CLYBL: variants seen among roughly 807,000 people sequenced by gnomAD.
CLYBL encodes the protein citramalyl-CoA lyase.
Under a neutral mutation model 38.9 loss-of-function variants are expected in CLYBL, and 31 were observed. The ratio of observed to expected loss-of-function variants is 0.80; its 90% CI spans 0.60 to 1.08. The LOEUF (loss-of-function observed/expected upper bound fraction) is 1.08. CLYBL is among the 50% of genes least tolerant of loss of function. The pLI is 0.00. For synonymous variants in CLYBL, 171 were observed against 158.6 expected (o/e 1.08, Z -0.59); for missense variants, 434 against 411.6 (o/e 1.05, Z -0.47).
intron 2 of CLYBL, among the ~76,000 whole-genome samples, chr13:99,794,668 CACA>C (rs1462190501): frequency 6.6e-6 from 1 of 150,686 alleles, no homozygotes; most frequent in Non-Finnish European, 1.5e-5. Context: ...CTTGGCTCAC[CACA>C]ACCTCCACCG....
chr13:99,728,152 G>A (rs1479968864), intron 1 of CLYBL, among the ~76,000 whole-genome samples: 1 of 152,058 alleles, frequency 6.6e-6, no homozygotes, highest in East Asian at 1.9e-4. Context: ...TTTTGTGAGG[G>A]TATTCCCCAA....
At chr13:99,661,222 C>T (rs2047403992) in intron 1 of CLYBL, among the ~76,000 whole-genome samples, 1 of 151,680 alleles carries the variant, frequency 6.6e-6, no homozygotes, top group Non-Finnish European at 1.5e-5. Context: ...AGTCTTAATC[C>T]CTAAAGCAAA....
intron 1 of CLYBL, among the ~76,000 whole-genome samples, chr13:99,710,044 C>G (rs1369114522): frequency 6.6e-6 from 1 of 151,734 alleles, no homozygotes; most frequent in Non-Finnish European, 1.5e-5. Context: ...CTGCCTCAGC[C>G]TCTCCGAGTA....
chr13:99,790,008 T>C (rs1185166497), intron 2 of CLYBL, among the ~76,000 whole-genome samples: 1 of 152,194 alleles, frequency 6.6e-6, no homozygotes, highest in Non-Finnish European at 1.5e-5. Context: ...TATCAAAGAC[T>C]AGGATTGCAA....
intron 1 of CLYBL, among the ~76,000 whole-genome samples, chr13:99,617,250 GTT>G (rs2046725272): frequency 6.6e-6 from 1 of 151,738 alleles, no homozygotes; most frequent in African/African-American, 2.4e-5. Flanking sequence ...GGAAGACTGT[GTT>G]TACTGTTTAA....
chr13:99,874,400 A>T (rs1418453807), intron 7 of CLYBL, among the ~76,000 whole-genome samples: 1 of 152,148 alleles, frequency 6.6e-6, no homozygotes, highest in African/African-American at 2.4e-5. Context: ...ATTTGTTTTA[A>T]ATTTATAAAG....
rs567542282 is a variant in CLYBL, at chr13:99,679,492, C to T, written c.62+72735C>T. On this transcript the variant is annotated intron_variant, in intron 1 of 8. Transcript: ENST00000339105. ...GTATTCAGCGTCCATCTTCCTCACC[C>T]GGGGAATCTGTGTTTGTTTCCCAGT... Among the ~76,000 whole-genome samples the T allele has an allele frequency of 3.9e-5, 6 of 152,120 alleles. 1 individual carries two copies. Among genetic ancestry groups the T allele is most frequent in the East Asian group, 3.9e-4 (2 of 5,170 alleles).
intron 1 of CLYBL, among the ~76,000 whole-genome samples, chr13:99,742,143 C>G (rs1471285224): frequency 6.6e-6 from 1 of 152,188 alleles, no homozygotes; most frequent in Non-Finnish European, 1.5e-5. Flanking sequence ...TACCTTGGAA[C>G]GTGTTTACTG....
At chr13:99,719,709 C>T (rs187547834) in intron 1 of CLYBL, among the ~76,000 whole-genome samples, 16 of 149,708 alleles carry the variant, frequency 1.1e-4, no homozygotes, top group African/African-American at 3.4e-4. Context: ...GGTTTCACTA[C>T]GTTGGCCAGG....
chr13:99,824,074 A>G (rs1223936273), intron 2 of CLYBL, among the ~76,000 whole-genome samples: 1 of 152,206 alleles, frequency 6.6e-6, no homozygotes, highest in Non-Finnish European at 1.5e-5. Flanking sequence ...TGCAAGAAAT[A>G]TTTATTTTAT....
At chr13:99,762,268 G>T (rs2049180759) in intron 1 of CLYBL, among the ~76,000 whole-genome samples, 1 of 152,046 alleles carries the variant, frequency 6.6e-6, no homozygotes, top group Admixed American at 6.6e-5. Flanking sequence ...CATTTCCCCA[G>T]TGTTTTTTTT....
chr13:99,719,907 GA>G (rs1422321835), intron 1 of CLYBL, among the ~76,000 whole-genome samples: 2 of 152,030 alleles, frequency 1.3e-5, no homozygotes, highest in African/African-American at 2.4e-5. Flanking sequence ...GTATTAAATT[GA>G]AACTTTTTTT....
chr13:99,679,693 A>G (rs941413011), intron 1 of CLYBL, among the ~76,000 whole-genome samples: 3 of 151,836 alleles, frequency 2.0e-5, no homozygotes, highest in Non-Finnish European at 2.9e-5. Context: ...TCCACTTTAT[A>G]TAAGCCATAT....
chr13:99,750,069 A>T (rs2048926727), intron 1 of CLYBL, among the ~76,000 whole-genome samples: 1 of 152,136 alleles, frequency 6.6e-6, no homozygotes, highest in South Asian at 2.1e-4. Flanking sequence ...AGTACTACAG[A>T]TTCTTCTGTA....
intron 1 of CLYBL, among the ~76,000 whole-genome samples, chr13:99,709,372 A>G (rs535392977): frequency 6.6e-6 from 1 of 152,310 alleles, no homozygotes; most frequent in South Asian, 2.1e-4. Flanking sequence ...TCTCTGTCAC[A>G]GCAGCCCTGG....
chr13:99,899,746 C>T (rs2052620462), downstream of CLYBL, among the ~76,000 whole-genome samples: 1 of 151,820 alleles, frequency 6.6e-6, no homozygotes, highest in Non-Finnish European at 1.5e-5. Flanking sequence ...TAAATAAATA[C>T]AGTATTTTTA....
At chr13:99,700,317 C>T (rs117283587) in intron 1 of CLYBL, among the ~76,000 whole-genome samples, 5,944 of 151,954 alleles carry the variant, frequency 0.039, 149 homozygotes, top group Non-Finnish European at 0.049. Flanking sequence ...TGGTGGCGCG[C>T]GCCTATGATC....
At chr13:99,644,645 C>G (rs2047150113) in intron 1 of CLYBL, among the ~76,000 whole-genome samples, 1 of 152,138 alleles carries the variant, frequency 6.6e-6, no homozygotes, top group African/African-American at 2.4e-5. Context: ...CATTAACCAT[C>G]CCCAGTTTCC....
Position 99,891,524 on chromosome 13 carries a change from C to T in CLYBL, c.*24+87C>T, listed in dbSNP as rs1594250624. 1.4e-5 allele frequency: 10 copies of T among 699,420 alleles called. No homozygotes were observed. The East Asian group carries it at 2.7e-4, about 19-fold the overall frequency. 43.3% of individuals were successfully genotyped at this position (699,420 alleles called of 1,614,324 possible). On this transcript the variant is annotated intron_variant, in intron 8 of 8. Coordinates refer to ENST00000339105, the MANE Select transcript of CLYBL (RefSeq NM_206808.5). ...TAGGATGCCAGATTGGGACCTGACT[C>T]CATTTACAGTTCATGTTAATCACAA...
Sources: gnomAD v4.1 joint callset for allele counts (sites outside exome capture counted in the v4.1 genomes callset) on GRCh38, gnomAD v4.1.1 for gene constraint, MANE v1.5 for transcripts, NCBI Gene and HGNC (gene_info 2026-07-23, HGNC 2026-07-21) for gene names.